BABAM2: variants seen among roughly 807,000 people sequenced by gnomAD.
BABAM2 encodes BRISC and BRCA1-A complex member 2.
A neutral mutation model predicts 54.7 loss-of-function variants in BABAM2; 31 were observed. The observed-to-expected ratio is 0.57, with a 90% CI of 0.43 to 0.77. The LOEUF is 0.77. Ranked by LOEUF, BABAM2 falls within the 30% of genes least tolerant of loss-of-function variation. The probability of loss-of-function intolerance (pLI) is 0.00; values close to 1 mark genes in which losing one functional copy is unlikely to be tolerated. For missense variants in BABAM2, 364 were observed against 455.8 expected (o/e 0.80, Z 1.83); for synonymous variants, 167 against 162.9 (o/e 1.03, Z -0.19).
At chr2:28,315,178 G>A (rs1306010008) in intron 11 of BABAM2, among the ~76,000 whole-genome samples, 1 of 151,896 alleles carries the variant, frequency 6.6e-6, no homozygotes, top group African/African-American at 2.4e-5. Flanking sequence ...CATGCCCTCT[G>A]GAATCAGACC....
intron 6 of BABAM2, among the ~76,000 whole-genome samples, chr2:28,126,599 A>G (rs1212623139): frequency 7.2e-6 from 1 of 138,446 alleles, no homozygotes; most frequent in East Asian, 2.0e-4. Context: ...TGCCGCAATA[A>G]ACATACGTGT....
chr2:28,109,213 G>A (rs1432561688), intron 6 of BABAM2, among the ~76,000 whole-genome samples: 3 of 116,522 alleles, frequency 2.6e-5, no homozygotes, highest in Non-Finnish European at 5.1e-5. Flanking sequence ...TTTTGAGACA[G>A]AGTCTCACTC....
chr2:28,044,721 C>T (rs991754690), intron 5 of BABAM2, among the ~76,000 whole-genome samples: 10 of 152,130 alleles, frequency 6.6e-5, no homozygotes, highest in South Asian at 2.1e-4. Context: ...TTTTAAAGAG[C>T]GGGAACTCTT....
intron 7 of BABAM2, among the ~76,000 whole-genome samples, chr2:28,141,105 G>T (rs1162651715): frequency 1.3e-5 from 2 of 152,028 alleles, no homozygotes; most frequent in Admixed American, 6.5e-5. Flanking sequence ...ACCTTCCAAA[G>T]GCCCCACCTC....
At chr2:28,251,289 T>C (rs1302914987) in intron 10 of BABAM2, among the ~76,000 whole-genome samples, 1 of 152,182 alleles carries the variant, frequency 6.6e-6, no homozygotes, top group Non-Finnish European at 1.5e-5. Context: ...AACTTCAGAC[T>C]AATTCTGGTA....
intron 4 of BABAM2, among the ~76,000 whole-genome samples, chr2:28,020,561 G>T (rs905189304): frequency 3.9e-5 from 6 of 152,064 alleles, no homozygotes; most frequent in Admixed American, 3.9e-4. Context: ...AGGGGATGGG[G>T]ATAGCCAAGT....
intron 3 of BABAM2, among the ~76,000 whole-genome samples, chr2:27,937,449 A>G (rs550834421): frequency 6.6e-6 from 1 of 152,298 alleles, no homozygotes; most frequent in East Asian, 1.9e-4. Flanking sequence ...TTTTTGATCA[A>G]CTGGTTTGCT....
At chr2:28,098,993 T>G (rs1047315180) in intron 6 of BABAM2, among the ~76,000 whole-genome samples, 1 of 152,162 alleles carries the variant, frequency 6.6e-6, no homozygotes, top group African/African-American at 2.4e-5. Flanking sequence ...TAAAAGGCAG[T>G]TCCTCTAACT....
intron 6 of BABAM2, among the ~76,000 whole-genome samples, chr2:28,048,694 C>T (rs921204172): frequency 1.3e-5 from 2 of 152,132 alleles, no homozygotes; most frequent in African/African-American, 2.4e-5. Context: ...CAGTTGTGTA[C>T]CCCTGAACTT....
intron 10 of BABAM2, among the ~76,000 whole-genome samples, chr2:28,286,186 C>G (rs556631824): frequency 1.5e-3 from 227 of 152,178 alleles, no homozygotes; most frequent in Non-Finnish European, 2.7e-3. Context: ...GAACTCCTGA[C>G]CTCGTGATCC....
intron 6 of BABAM2, among the ~76,000 whole-genome samples, chr2:28,112,840 A>G (rs1036051158): frequency 4.6e-5 from 7 of 152,090 alleles, no homozygotes; most frequent in Non-Finnish European, 8.8e-5. Context: ...AAGTGTTCGT[A>G]TTTCTCCACA....
chr2:28,135,041 G>T (rs1417360329), intron 7 of BABAM2, among the ~76,000 whole-genome samples: 3 of 152,150 alleles, frequency 2.0e-5, no homozygotes, highest in Non-Finnish European at 2.9e-5. Context: ...CTCCAAGTGG[G>T]GAGGTAGATG....
At chr2:27,992,470 G>T (rs552980178) in intron 4 of BABAM2, among the ~76,000 whole-genome samples, 2 of 152,038 alleles carry the variant, frequency 1.3e-5, no homozygotes, top group African/African-American at 4.8e-5. Flanking sequence ...GAGGTAAGAC[G>T]TAGATATCTA....
At chr2:28,263,857 A>G (rs1684750230) in intron 10 of BABAM2, among the ~76,000 whole-genome samples, 1 of 152,162 alleles carries the variant, frequency 6.6e-6, no homozygotes, top group African/African-American at 2.4e-5. Flanking sequence ...GAGTCTTTTG[A>G]ACTCTCCCAG....
At position 28,210,455 on chromosome 2, in the gene BABAM2, G is replaced by A. The variant is rs528957006; in HGVS notation, c.681-26747G>A. Among the ~76,000 whole-genome samples the A allele has an allele frequency of 3.3e-5, 5 of 152,230 alleles. No individual in the cohort carries two copies. In the South Asian group the frequency reaches 8.3e-4, roughly 25 times the overall value. On this transcript the variant is annotated intron_variant, in intron 7 of 11. Transcript: ENST00000379624. ...AAGGCTAGGGTGTAGAGTTTTCATC[G>A]AGGTATGGTGATGGTTGAGCTAAGT...
intron 7 of BABAM2, among the ~76,000 whole-genome samples, chr2:28,214,227 T>C (rs950415446): frequency 6.6e-6 from 1 of 152,174 alleles, no homozygotes; most frequent in East Asian, 1.9e-4. Flanking sequence ...TATAGATTCA[T>C]GTAAACACCA....
At chr2:28,059,412 C>T (rs1017384871) in intron 6 of BABAM2, among the ~76,000 whole-genome samples, 2 of 152,072 alleles carry the variant, frequency 1.3e-5, no homozygotes, top group Non-Finnish European at 2.9e-5. Context: ...TGGTGTTTCT[C>T]CTTGTTCCAG....
intron 6 of BABAM2, among the ~76,000 whole-genome samples, chr2:28,054,523 G>A (rs1406943480): frequency 6.6e-6 from 1 of 152,154 alleles, no homozygotes; most frequent in Non-Finnish European, 1.5e-5. Context: ...TTAGGAGTTA[G>A]GACCTTTGGA....
At chr2:27,919,510 G>A (rs992227955) in intron 2 of BABAM2, among the ~76,000 whole-genome samples, 1 of 152,108 alleles carries the variant, frequency 6.6e-6, no homozygotes, top group Non-Finnish European at 1.5e-5. Context: ...ATCACATTAA[G>A]GAAGTTCCCT....
Sources: gnomAD v4.1 joint callset for allele counts (sites outside exome capture counted in the v4.1 genomes callset) on GRCh38, gnomAD v4.1.1 for gene constraint, MANE v1.5 for transcripts, NCBI Gene and HGNC (gene_info 2026-07-23, HGNC 2026-07-21) for gene names.